LOC128125818: variants seen among roughly 807,000 people sequenced by gnomAD.
chr4:6,068,587 T>C, the LOC128125818 span, among the ~76,000 whole-genome samples: 1 of 146,826 alleles, frequency 6.8e-6, no homozygotes, highest in South Asian at 2.2e-4. Context: ...AGACAGAATC[T>C]CCTTCTGTCG....
At chr4:6,066,805 C>T in the LOC128125818 span, among the ~76,000 whole-genome samples, 1 of 152,190 alleles carries the variant, frequency 6.6e-6, no homozygotes, top group African/African-American at 2.4e-5. Flanking sequence ...AAACCACCAA[C>T]ATCCAGGCAG....
chr4:6,067,873 C>CACTCAAGCTCTTCTGCACACACA, the LOC128125818 span, among the ~76,000 whole-genome samples: 1 of 152,206 alleles, frequency 6.6e-6, no homozygotes. The surrounding 1 kb of genome is among the most constrained non-coding windows in gnomAD (Gnocchi z 4.6). Context: ...GCTCCACGTT[C>CACTCAAGCTCTTCTGCACACACA]CACATTTTTC....
At chr4:6,066,608 G>A in the LOC128125818 span, among the ~76,000 whole-genome samples, 1 of 152,078 alleles carries the variant, frequency 6.6e-6, no homozygotes, top group Non-Finnish European at 1.5e-5. Flanking sequence ...AGCAGCTCAT[G>A]CTTCAGTTGC....
At chr4:6,067,080 G>A in the LOC128125818 span, among the ~76,000 whole-genome samples, 1 of 152,102 alleles carries the variant, frequency 6.6e-6, no homozygotes, top group African/African-American at 2.4e-5. This position sits in a 1 kb window ranked among gnomAD's most constrained non-coding sequence, Gnocchi z 4.6. Context: ...CCAGCCTCTG[G>A]GGCCTCCTTC....
the LOC128125818 span, among the ~76,000 whole-genome samples, chr4:6,067,434 G>A: frequency 6.6e-6 from 1 of 152,132 alleles, no homozygotes; most frequent in African/African-American, 2.4e-5. The surrounding 1 kb of genome is among the most constrained non-coding windows in gnomAD (Gnocchi z 4.6). Flanking sequence ...TGCAGAGGCT[G>A]GAGACAATCA....
At chr4:6,064,985 A>T in the LOC128125818 span, 6 of 1,613,984 alleles carry the variant, frequency 3.7e-6, no homozygotes, top group Non-Finnish European at 5.1e-6. This position sits in a 1 kb window ranked among gnomAD's most constrained non-coding sequence, Gnocchi z 4.3. Context: ...CATCAAATCC[A>T]AAAAATGTCT....
chr4:6,065,903 T>C, the LOC128125818 span, among the ~76,000 whole-genome samples: 1 of 152,236 alleles, frequency 6.6e-6, no homozygotes, highest in Admixed American at 6.5e-5. The surrounding 1 kb of genome is among the most constrained non-coding windows in gnomAD (Gnocchi z 5.1). Context: ...GCCAGGTCCC[T>C]GCCCCAAGGA....
At chr4:6,066,553 AC>A in the LOC128125818 span, among the ~76,000 whole-genome samples, 6 of 151,976 alleles carry the variant, frequency 3.9e-5, no homozygotes, top group African/African-American at 1.2e-4. Flanking sequence ...GCAGTGACTT[AC>A]CCCCAACACC....
chr4:6,065,082 A>T, the LOC128125818 span: 4 of 1,579,146 alleles, frequency 2.5e-6, no homozygotes, highest in Non-Finnish European at 3.5e-6. This position sits in a 1 kb window ranked among gnomAD's most constrained non-coding sequence, Gnocchi z 5.1. Context: ...GGTCGTGGGC[A>T]TGCCAGTGCA....
the LOC128125818 span, among the ~76,000 whole-genome samples, chr4:6,066,486 C>T: frequency 3.3e-5 from 5 of 152,248 alleles, no homozygotes; most frequent in East Asian, 5.8e-4. Context: ...GACTCTCCCC[C>T]GAACTCCAGA....
At chr4:6,066,544 C>A in the LOC128125818 span, among the ~76,000 whole-genome samples, 1 of 152,128 alleles carries the variant, frequency 6.6e-6, no homozygotes, top group Non-Finnish European at 1.5e-5. Flanking sequence ...TCCTAGCGGG[C>A]AGTGACTTAC....
the LOC128125818 span, among the ~76,000 whole-genome samples, chr4:6,067,255 A>G: frequency 1.3e-5 from 2 of 152,204 alleles, no homozygotes; most frequent in African/African-American, 2.4e-5. This position sits in a 1 kb window ranked among gnomAD's most constrained non-coding sequence, Gnocchi z 4.6. Flanking sequence ...TCAAAGCCAC[A>G]CTAGTTTGTC....
At chr4:6,065,065 A>C in the LOC128125818 span, 2 of 1,609,094 alleles carry the variant, frequency 1.2e-6, no homozygotes, top group Non-Finnish European at 1.7e-6. The surrounding 1 kb of genome is among the most constrained non-coding windows in gnomAD (Gnocchi z 5.1). Flanking sequence ...AGAGTCTACC[A>C]GTCCCTGGTC....
At chr4:6,066,403 G>C in the LOC128125818 span, among the ~76,000 whole-genome samples, 1 of 152,130 alleles carries the variant, frequency 6.6e-6, no homozygotes, top group African/African-American at 2.4e-5. Flanking sequence ...TCTTGCATTT[G>C]GCACCTGTCT....
chr4:6,068,061 G>A, the LOC128125818 span, among the ~76,000 whole-genome samples: 47 of 152,296 alleles, frequency 3.1e-4, no homozygotes, highest in South Asian at 8.3e-4. Flanking sequence ...CCCTCCTGGG[G>A]GCAACGACTC....
chr4:6,065,137 G>T, the LOC128125818 span: 1 of 1,161,378 alleles, frequency 8.6e-7, no homozygotes, highest in South Asian at 1.3e-5. The surrounding 1 kb of genome is among the most constrained non-coding windows in gnomAD (Gnocchi z 5.1). Flanking sequence ...ATCACAAGAT[G>T]CGGTTGGTGG....
the LOC128125818 span, among the ~76,000 whole-genome samples, chr4:6,067,662 A>AC: frequency 7.5e-3 from 707 of 94,386 alleles, no homozygotes; most frequent in African/African-American, 9.9e-3. The surrounding 1 kb of genome is among the most constrained non-coding windows in gnomAD (Gnocchi z 4.6). Flanking sequence ...CACACAGGTC[A>AC]CCCCCTGAGC....
the LOC128125818 span, among the ~76,000 whole-genome samples, chr4:6,065,283 C>T: frequency 4.1e-4 from 62 of 152,318 alleles, no homozygotes; most frequent in Middle Eastern, 3.4e-3. The surrounding 1 kb of genome is among the most constrained non-coding windows in gnomAD (Gnocchi z 5.1). Flanking sequence ...AACCACTTGG[C>T]CCCTGGAGCA....
the LOC128125818 span, among the ~76,000 whole-genome samples, chr4:6,066,221 C>CAG: frequency 0.033 from 4,979 of 152,102 alleles, 92 homozygotes; most frequent in South Asian, 0.084. Context: ...GTGTTTTACC[C>CAG]AGATATCTGT....
Sources: gnomAD v4.1 joint callset for allele counts (sites outside exome capture counted in the v4.1 genomes callset) on GRCh38, gnomAD v4.1.1 for gene constraint, Gnocchi (gnomAD v3.1) non-coding constraint, MANE v1.5 for transcripts.